MTFP1: variants seen among roughly 807,000 people sequenced by gnomAD.
MTFP1 encodes mitochondrial fission process protein 1.
A neutral mutation model predicts 17.1 loss-of-function variants in MTFP1; 19 were observed. The ratio of observed to expected loss-of-function variants is 1.11; its 90% confidence interval spans 0.77 to 1.63. The LOEUF (loss-of-function observed/expected upper bound fraction) is 1.63. Among genes scored for constraint, MTFP1 ranks in the 40% most tolerant of loss-of-function variants. The pLI, the probability that MTFP1 is intolerant of heterozygous loss-of-function variation, is 0.00. For missense variants in MTFP1, 221 were observed against 226.2 expected (o/e 0.98, Z 0.15); for synonymous variants, 89 against 95.2 (o/e 0.93, Z 0.38).
rs755476011 is a variant in MTFP1, at chr22:30,428,485, C to G, written c.452C>G (p.Ser151Cys). Residue 151 changes from serine (S) to cysteine (C), a missense_variant, in exon 4 of 4, where the codon TCC (serine) becomes TGC (cysteine). Physicochemically the swap from Ser to Cys is moderately radical, Grantham distance 112. Coordinates refer to ENST00000266263, the MANE Select transcript of MTFP1 (RefSeq NM_016498.5). ...IDRSVDFLLDSSLRKLYPTVG... is the reference protein window; with the variant it reads ...IDRSVDFLLDCSLRKLYPTVG... Reference sequence around the variant, plus strand: ...AGGTCGGTGGATTTCCTCCTGGACTCCAGCCTGCGCAAGCTCTACCCAACA... The same window carrying G: ...AGGTCGGTGGATTTCCTCCTGGACTGCAGCCTGCGCAAGCTCTACCCAACA... The G allele has an allele frequency of 2.5e-6, 4 of 1,614,170 alleles. No individual in the cohort carries two copies. The African/African-American group carries it at 5.3e-5, about 22-fold the overall frequency.
In MTFP1 at chr22:30,425,953, G is replaced by T; in HGVS notation, c.67+7G>T. The T allele has an allele frequency of 1.3e-6, 2 of 1,508,430 alleles. No individual in the cohort carries two copies. Among genetic ancestry groups the T allele is most frequent in the South Asian group, 2.5e-5 (2 of 79,624 alleles). The allele number at this position is 1,508,430 out of a possible 1,614,324, so 93.4% of individuals were successfully genotyped here. On this transcript the variant is annotated splice_region_variant and intron_variant, in intron 1 of 3. Transcript: ENST00000266263. ...ACGTGGGTGCGATACCTGGGTGAGCGCGGGGCGACGGGCGCGGCGACCCCA... is the reference window on the plus strand; with the variant it reads ...ACGTGGGTGCGATACCTGGGTGAGCTCGGGGCGACGGGCGCGGCGACCCCA...
chr22:30,427,632 G>T (rs1934697877), intron 3 of MTFP1, among the ~76,000 whole-genome samples: 1 of 152,208 alleles, frequency 6.6e-6, no homozygotes, highest in Admixed American at 6.5e-5. Flanking sequence ...TGCGTTGAGG[G>T]TATGGGACAC....
intron 2 of MTFP1, 83 bp downstream of exon 2, chr22:30,426,927 C>A: frequency 1.9e-6 from 3 of 1,583,746 alleles, no homozygotes; most frequent in South Asian, 1.1e-5. Flanking sequence ...GTGATAAAGT[C>A]CCTGTGGGAC....
rs1450243864 is a variant in MTFP1, at chr22:30,428,559, C to T, written c.*25C>T. 5 of 1,614,082 alleles carry T rather than the reference C, an allele frequency of 3.1e-6. No homozygotes were observed. Among genetic ancestry groups the T allele is most frequent in the African/African-American group, 1.3e-5 (1 of 74,936 alleles). ...ATCATACTCTGGTACCTGGCCTGTG[C>T]ATCGGCCTCCTGCTTCATGTCAACC... is the stretch of plus-strand genomic sequence containing the variant. On this transcript the variant is annotated 3_prime_UTR_variant, in exon 4 of 4. Transcript: ENST00000266263.
In MTFP1 at chr22:30,426,712, C is replaced by T. The variant is rs761788655; in HGVS notation, c.68-5C>T. ...AGCCTAGGAATTAAATGTTCCCTCC[C>T]CCAGGCTATGCCAATGAGGTGGGCG... On this transcript the variant is annotated splice_region_variant and splice_polypyrimidine_tract_variant and intron_variant, in intron 1 of 3. Transcript: ENST00000266263. The T allele has an allele frequency of 6.2e-7, 1 of 1,613,948 alleles. No homozygotes were observed. Among genetic ancestry groups the T allele is most frequent in the Non-Finnish European group, 8.5e-7 (1 of 1,179,964 alleles).
At position 30,427,331 on chromosome 22, in the gene MTFP1, T is replaced by C. The variant is rs2051721150; in HGVS notation, c.356T>C (p.Leu119Pro). The change falls in exon 3 of 4, where the codon CTG becomes CCG. Residue 119 changes from leucine (L) to proline (P), a missense_variant. Physicochemically the swap from Leu to Pro is moderately conservative, Grantham distance 98. Coordinates refer to ENST00000266263, the MANE Select transcript of MTFP1 (RefSeq NM_016498.5). ...YVLGTATRWP[L>P]AVRKWTTTAL... ...CTGGGCACTGCCACCCGCTGGCCCC[T>C]GGCTGTCCGCAAGTGGACCACCACC... 1 of 1,614,052 alleles carries C rather than the reference T, an allele frequency of 6.2e-7. No homozygotes were observed. Among genetic ancestry groups the C allele is most frequent in the African/African-American group, 1.3e-5 (1 of 74,950 alleles).
At chr22:30,426,042 T>C (rs1569216471) in intron 1 of MTFP1, 96 bp downstream of exon 1, 2 of 1,183,620 alleles carry the variant, frequency 1.7e-6, no homozygotes, top group Non-Finnish European at 2.3e-6. Context: ...GGAGGCGGGA[T>C]GATCTTAGTT....
chr22:30,428,062 C>T (rs1934702750), intron 3 of MTFP1, among the ~76,000 whole-genome samples: 1 of 152,146 alleles, frequency 6.6e-6, no homozygotes, highest in Admixed American at 6.5e-5. Context: ...GACTGCATGC[C>T]CACCCTATGA....
Position 30,427,191 on chromosome 22 carries a change from C to T in MTFP1, c.216C>T (p.Gly72=). The stretch of plus-strand genomic sequence containing the variant: ...ACCAGGTGCCCAGCCCTGAAGCAGG[C>T]CGCAGCGCCAGGGTGACTGTGGCTG... The part of the protein sequence containing the change: ...KAGEVPSPEA[G]RSARVTVAVV... Residue 72 remains glycine (G), a synonymous_variant, in exon 3 of 4, where the codon GGC becomes GGT. Transcript: ENST00000266263. 6.2e-7 allele frequency: 1 copy of T among 1,614,120 alleles called. No homozygotes were observed. Among genetic ancestry groups the T allele is most frequent in the Non-Finnish European group, 8.5e-7 (1 of 1,180,016 alleles).
At position 30,426,236 on chromosome 22, in the gene MTFP1, A is replaced by T. The variant is rs183967496; in HGVS notation, c.67+290A>T. 1.6e-4 allele frequency among the ~76,000 whole-genome samples: 25 copies of T among 152,260 alleles called. No individual in the cohort carries two copies. The East Asian group carries it at 4.4e-3, about 27-fold the overall frequency. The stretch of plus-strand genomic sequence containing the variant: ...CACTCCCATTTCGGTCCTGACACGC[A>T]CTGGCTCTGTCTGAACCTCAGTTTC... On this transcript the variant is annotated intron_variant, in intron 1 of 3. Transcript: ENST00000266263.
In MTFP1 at chr22:30,428,917, G is replaced by C; in HGVS notation, c.*383G>C. On this transcript the variant is annotated 3_prime_UTR_variant, in exon 4 of 4. Coordinates refer to ENST00000266263, the MANE Select transcript of MTFP1 (RefSeq NM_016498.5). ...ACCCAGGACCCCCAGGTGCTTGACA[G>C]AGTCACCCCATGGTGGTATGGCTGA... 1.9e-6 allele frequency: 1 copy of C among 539,184 alleles called. No homozygotes were observed. The highest frequency in any genetic ancestry group is 3.3e-6 in the Non-Finnish European group (1 of 299,670). 33.4% of individuals were successfully genotyped at this position (539,184 alleles called of 1,614,324 possible). A position where few individuals can be genotyped will look rare whatever the true frequency, so the allele number is the denominator to read the frequency against.
intron 3 of MTFP1, 56 bp downstream of exon 3, chr22:30,427,459 A>G (rs993346791): frequency 6.5e-7 from 1 of 1,532,894 alleles, no homozygotes; most frequent in Non-Finnish European, 9.0e-7. Flanking sequence ...AGAGTGGATC[A>G]TCCAGTCTCC....
intron 3 of MTFP1, among the ~76,000 whole-genome samples, chr22:30,427,800 G>T (rs1934699838): frequency 1.3e-5 from 2 of 152,126 alleles, no homozygotes; most frequent in Non-Finnish European, 2.9e-5. Context: ...AAAGTCCAGG[G>T]CTGTGTTGCA....
chr22:30,427,461 C>T, intron 3 of MTFP1, 58 bp downstream of exon 3: 1 of 1,524,530 alleles, frequency 6.6e-7, no homozygotes, highest in Non-Finnish European at 9.1e-7. Context: ...AGTGGATCAT[C>T]CAGTCTCCAG....
chr22:30,426,667 C>A, intron 1 of MTFP1, 50 bp from the exon 2 acceptor site: 1 of 1,606,606 alleles, frequency 6.2e-7, no homozygotes, highest in Non-Finnish European at 8.5e-7. Flanking sequence ...GCTCCAACGC[C>A]CCCTCGTGGA....
In MTFP1 at chr22:30,426,681, G is replaced by C. The variant is rs1569216637; in HGVS notation, c.68-36G>C. 4 of 1,611,608 alleles carry C rather than the reference G, an allele frequency of 2.5e-6. 1 individual carries two copies. In the Admixed American group the frequency reaches 6.7e-5, roughly 27 times the overall value. On this transcript the variant is annotated intron_variant, in intron 1 of 3. Transcript: ENST00000266263. Reference sequence around the variant, plus strand: ...TGCTCCAACGCCCCCTCGTGGAACAGTTGCGAGCCTAGGAATTAAATGTTC... The same window carrying C: ...TGCTCCAACGCCCCCTCGTGGAACACTTGCGAGCCTAGGAATTAAATGTTC...
chr22:30,426,747 G>T lies in MTFP1; in HGVS notation c.98G>T (p.Arg33Leu). The change falls in exon 2 of 4, where the codon CGC (arginine) becomes CTC (leucine). Residue 33 changes from arginine (R) to leucine (L), a missense_variant. Transcript: ENST00000266263. The stretch of plus-strand genomic sequence containing the variant: ...GCCAATGAGGTGGGCGAGGCTTTCC[G>T]CTCTCTTGTGCCAGCGGCGGTGGTG... ...GYANEVGEAF[R>L]SLVPAAVVWL... is the part of the protein sequence containing the mutation. 2 of 1,614,076 alleles carry T rather than the reference G, an allele frequency of 1.2e-6. No homozygotes were observed. Among genetic ancestry groups the T allele is most frequent in the Non-Finnish European group, 1.7e-6 (2 of 1,179,992 alleles).
Position 30,425,930 on chromosome 22 carries a change from G to A in MTFP1, c.51G>A (p.Thr17=). 1 of 1,530,538 alleles carries A rather than the reference G, an allele frequency of 6.5e-7. No individual in the cohort carries two copies. The highest frequency in any genetic ancestry group is 2.0e-5 in the Admixed American group (1 of 49,084). The allele number at this position is 1,530,538 out of a possible 1,614,324, so 94.8% of individuals were successfully genotyped here. The change falls in exon 1 of 4, where the codon ACG becomes ACA. Residue 17 remains threonine, a synonymous_variant. Transcript: ENST00000266263. ...RGAERDLYRD[T]WVRYLGYANE... ...CAGAGCGCGATCTCTACCGGGACAC[G>A]TGGGTGCGATACCTGGGTGAGCGCG...
At chr22:30,426,642 G>A in intron 1 of MTFP1, 75 bp from the exon 2 acceptor site, 7 of 1,577,526 alleles carry the variant, frequency 4.4e-6, no homozygotes, top group Non-Finnish European at 5.2e-6. Context: ...AGCTGGCTAG[G>A]ATGAGAACCA....
Sources: gnomAD v4.1 joint callset for allele counts (sites outside exome capture counted in the v4.1 genomes callset) on GRCh38, gnomAD v4.1.1 for gene constraint, MANE v1.5 for transcripts, NCBI Gene and HGNC (gene_info 2026-07-23, HGNC 2026-07-21) for gene names.